TJP3: variants seen among roughly 807,000 people sequenced by gnomAD.
TJP3 encodes the protein tight junction protein 3.
A neutral mutation model predicts 104.2 loss-of-function variants in TJP3; 85 were observed. The ratio of observed to expected loss-of-function variants is 0.82; its 90% CI spans 0.68 to 0.98. The LOEUF (loss-of-function observed/expected upper bound fraction) is 0.98. TJP3 is among the 50% of genes least tolerant of loss of function. The pLI is 0.00. For missense variants in TJP3, 1,367 were observed against 1,322.8 expected (o/e 1.03, Z -0.52); for synonymous variants, 550 against 550.6 (o/e 1.00, Z 0.02).
At position 3,728,882 on chromosome 19, in the gene TJP3, G is replaced by A. The variant is rs140055211; in HGVS notation, c.158+169G>A. Among the ~76,000 whole-genome samples the A allele has an allele frequency of 3.5e-3, 529 of 152,058 alleles. 1 individual carries two copies. The highest frequency in any genetic ancestry group is 5.7e-3 in the Non-Finnish European group (388 of 67,968). The stretch of plus-strand genomic sequence containing the variant: ...AGCCTGGCCAACATGGTGAAACCCC[G>A]TCTCTACTAAAATTACAAAAATTAG... On this transcript the variant is annotated intron_variant, in intron 3 of 20. Transcript: ENST00000541714.
At chr19:3,731,800 C>A in intron 5 of TJP3, 135 bp from the exon 6 acceptor site, 1 of 623,440 alleles carries the variant, frequency 1.6e-6, no homozygotes, top group Non-Finnish European at 2.7e-6. Context: ...CTACGGGCGA[C>A]ATCACTGTTC....
At chr19:3,749,070 C>T (rs984569569) in intron 19 of TJP3, among the ~76,000 whole-genome samples, 1 of 149,566 alleles carries the variant, frequency 6.7e-6, no homozygotes, top group Non-Finnish European at 1.5e-5. Flanking sequence ...CAGGGTTTCA[C>T]CACGCTGGCC....
intron 1 of TJP3, among the ~76,000 whole-genome samples, chr19:3,717,650 G>A (rs567238453): frequency 2.7e-4 from 41 of 151,770 alleles, no homozygotes; most frequent in Admixed American, 2.5e-3. Context: ...GGCCAGGCTG[G>A]CCTCCAACTC....
At chr19:3,749,738 A>G in intron 19 of TJP3, 1 of 227,830 alleles carries the variant, frequency 4.4e-6, no homozygotes, top group Non-Finnish European at 8.6e-6. Context: ...GTCAATGTAA[A>G]AATCTATGAA....
chr19:3,746,385 G>C lies in TJP3; in HGVS notation c.2011-100G>C, dbSNP rs939696660. ...TGCTAGCCTGTGGATGTGAGAGGCT[G>C]GGGTCCACTCTGACCTCAGACTCTT... On this transcript the variant is annotated intron_variant, in intron 16 of 20. Transcript: ENST00000541714. The surrounding 1 kb of genome is among the most constrained non-coding windows in gnomAD (Gnocchi z 4.1). The C allele has an allele frequency of 7.6e-7, 1 of 1,318,212 alleles. No individual in the cohort carries two copies. The highest frequency in any genetic ancestry group is 2.0e-5 in the Admixed American group (1 of 50,070). 81.7% of individuals were successfully genotyped at this position (1,318,212 alleles called of 1,614,324 possible).
At position 3,730,424 on chromosome 19, in the gene TJP3, G is replaced by A. The variant is rs779177417; in HGVS notation, c.331G>A (p.Asp111Asn). 4 of 1,590,362 alleles carry A rather than the reference G, an allele frequency of 2.5e-6. No homozygotes were observed. In the South Asian group the frequency reaches 4.5e-5, roughly 18 times the overall value. The change falls in exon 5 of 21, where the codon GAC (aspartate) becomes AAC (asparagine). Residue 111 changes from aspartate (D) to asparagine (N), a missense_variant. Physicochemically the swap from Asp to Asn is conservative, Grantham distance 23. Coordinates refer to ENST00000541714, the MANE Select transcript of TJP3 (RefSeq NM_001267560.2). The surrounding 1 kb of genome is among the most constrained non-coding windows in gnomAD (Gnocchi z 7.3). Reference sequence around the variant, plus strand: ...CAGCCCCTCCAGCCCAGGGCGCCAGGACTCGGATGAAGACGATGGGCCCCA... The same window carrying A: ...CAGCCCCTCCAGCCCAGGGCGCCAGAACTCGGATGAAGACGATGGGCCCCA... ...KASPSSPGRQ[D>N]SDEDDGPQRV...
At chr19:3,713,750 G>A (rs2036453058) in intron 1 of TJP3, among the ~76,000 whole-genome samples, 1 of 151,904 alleles carries the variant, frequency 6.6e-6, no homozygotes, top group South Asian at 2.1e-4. Context: ...GTCTCGCTCT[G>A]TCGCCCAGGC....
At chr19:3,711,966 G>A (rs1204977634) in intron 1 of TJP3, among the ~76,000 whole-genome samples, 1 of 151,906 alleles carries the variant, frequency 6.6e-6, no homozygotes, top group Non-Finnish European at 1.5e-5. Context: ...GATTTCAAGC[G>A]AGAGCCACCG....
intron 15 of TJP3, among the ~76,000 whole-genome samples, chr19:3,744,948 G>T (rs1568387752): frequency 6.6e-6 from 1 of 151,630 alleles, no homozygotes; most frequent in Non-Finnish European, 1.5e-5. Flanking sequence ...ACAAAAAATA[G>T]TTAAGATTGC....
At position 3,746,222 on chromosome 19, in the gene TJP3, A is replaced by AG. The variant is rs1373481444; in HGVS notation, c.2010+143dup. On this transcript the variant is annotated intron_variant, in intron 16 of 20. Coordinates refer to ENST00000541714, the MANE Select transcript of TJP3 (RefSeq NM_001267560.2). The surrounding 1 kb of genome is among the most constrained non-coding windows in gnomAD (Gnocchi z 4.1). ...TAGAGCCCCTTTTGGAGGCTTTGTGAGGCAGGAGGCCCGAGACAGACAAGG... is the reference window on the plus strand; with the variant it reads ...TAGAGCCCCTTTTGGAGGCTTTGTGAGGGCAGGAGGCCCGAGACAGACAAGG... 1 of 917,082 alleles carries AG rather than the reference A, an allele frequency of 1.1e-6. No individual in the cohort carries two copies. The highest frequency in any genetic ancestry group is 1.7e-6 in the Non-Finnish European group (1 of 602,600). The allele number at this position is 917,082 out of a possible 1,614,324, so 56.8% of individuals were successfully genotyped here.
intron 20 of TJP3, 76 bp from the exon 21 acceptor site, chr19:3,750,506 C>G: frequency 2.3e-6 from 3 of 1,294,244 alleles, no homozygotes; most frequent in South Asian, 1.3e-5. Flanking sequence ...GTGCCTAGCA[C>G]AGCCAGCCTC....
Position 3,730,615 on chromosome 19 carries a change from G to T in TJP3, c.522G>T (p.Leu174=). Residue 174 remains leucine, a synonymous_variant, in exon 5 of 21, where the codon CTG becomes CTT. Transcript: ENST00000541714. This position sits in a 1 kb window ranked among gnomAD's most constrained non-coding sequence, Gnocchi z 7.3. ...SPGGGSEANG[L]ALVSGFKRLP... Reference sequence around the variant, plus strand: ...GTGGTGGCTCTGAGGCCAACGGGCTGGCCCTGGTGTCCGGCTTTAAGCGGC... The same window carrying T: ...GTGGTGGCTCTGAGGCCAACGGGCTTGCCCTGGTGTCCGGCTTTAAGCGGC... 6.2e-7 allele frequency: 1 copy of T among 1,611,876 alleles called. No homozygotes were observed. The highest frequency in any genetic ancestry group is 1.1e-5 in the South Asian group (1 of 91,080).
At chr19:3,710,532 C>T (rs2036424313) in intron 1 of TJP3, among the ~76,000 whole-genome samples, 1 of 152,168 alleles carries the variant, frequency 6.6e-6, no homozygotes, top group Admixed American at 6.5e-5. Flanking sequence ...GCCCTGAGTC[C>T]CGGGGAAAGT....
Position 3,739,010 on chromosome 19 carries a change from C to T in TJP3, c.1507C>T (p.His503Tyr), listed in dbSNP as rs754264063. 84 of 1,613,080 alleles carry T rather than the reference C, an allele frequency of 5.2e-5. No homozygotes were observed. The South Asian group carries it at 9.1e-4, about 18-fold the overall frequency. Residue 503 changes from histidine (H) to tyrosine (Y), a missense_variant, in exon 13 of 21, where the codon CAC becomes TAC. Transcript: ENST00000541714. ...GGGCTTCACCCGTGGCGACGTCTTC[C>T]ACGTGCTGGACACGCTGCACCCCGG... The part of the protein sequence containing the change: ...GLGFTRGDVF[H>Y]VLDTLHPGPG...
At chr19:3,748,103 G>A in intron 19 of TJP3, 22 bp downstream of exon 19, 1 of 1,528,246 alleles carries the variant, frequency 6.5e-7, no homozygotes, top group Non-Finnish European at 8.8e-7. Flanking sequence ...ATGGGGGGCA[G>A]GCCTGGGAAG....
intron 1 of TJP3, among the ~76,000 whole-genome samples, chr19:3,720,617 A>T (rs924595765): frequency 3.3e-5 from 5 of 149,944 alleles, no homozygotes; most frequent in Non-Finnish European, 7.4e-5. Context: ...AGCTGGGCGC[A>T]GGTTTTTTTT....
intron 15 of TJP3, among the ~76,000 whole-genome samples, chr19:3,745,565 TG>T (rs1181357820): frequency 3.3e-5 from 5 of 152,220 alleles, no homozygotes; most frequent in African/African-American, 1.2e-4. Flanking sequence ...GAGGGCTTCC[TG>T]GAGGAAGCAG....
rs958423363 is a variant in TJP3, at chr19:3,750,766, C to T, written c.*82C>T. 5 of 1,225,780 alleles carry T rather than the reference C, an allele frequency of 4.1e-6. No individual in the cohort carries two copies. The African/African-American group carries it at 4.5e-5, about 11-fold the overall frequency. The allele number at this position is 1,225,780 out of a possible 1,614,324, so 75.9% of individuals were successfully genotyped here. A position where few individuals can be genotyped will look rare whatever the true frequency, so the allele number is the denominator to read the frequency against. On this transcript the variant is annotated 3_prime_UTR_variant, in exon 21 of 21. Transcript: ENST00000541714. ...CAGTTTCCCATACAGAACCCACAAC[C>T]TTACCTCCCTCCGCCTGGTCTTTAA...
chr19:3,728,382 C>T, intron 1 of TJP3, 42 bp from the exon 2 acceptor site: 1 of 1,614,042 alleles, frequency 6.2e-7, no homozygotes, highest in Non-Finnish European at 8.5e-7. Context: ...TCAGATGAAC[C>T]TGTGTGGCCT....
Sources: gnomAD v4.1 joint callset for allele counts (sites outside exome capture counted in the v4.1 genomes callset) on GRCh38, gnomAD v4.1.1 for gene constraint, Gnocchi (gnomAD v3.1) non-coding constraint, MANE v1.5 for transcripts, NCBI Gene and HGNC (gene_info 2026-07-23, HGNC 2026-07-21) for gene names.